Variants in PCDHB3 observed in about 807,000 individuals in gnomAD.
The protein encoded by PCDHB3 is protocadherin beta 3, also known as protocadherin beta-3.
For synonymous variants in PCDHB3, 479 were observed against 456.0 expected, an observed-to-expected ratio of 1.05 and a Z score of -0.64; for missense variants, 967 against 1,012.1, an observed-to-expected ratio of 0.96 and a Z score of 0.60.
At position 141,101,589 on chromosome 5, in the gene PCDHB3, A is replaced by T; in HGVS notation, c.940A>T (p.Ser314Cys). The change falls in exon 1 of 1, where the codon AGT becomes TGT. Residue 314 changes from serine to cysteine, a missense_variant. Physicochemically the swap from Ser to Cys is moderately radical, Grantham distance 112. Transcript: ENST00000231130. ...ATATTTGAATTTTGAAGCGATTAAT[A>T]GTTATGAAGTCGACATCGAGGCCAA... ...VKYLNFEAIN[S>C]YEVDIEAKDG... 2 of 1,614,176 alleles carry T rather than the reference A, an allele frequency of 1.2e-6. No individual in the cohort carries two copies. The highest frequency in any genetic ancestry group is 1.7e-6 in the Non-Finnish European group (2 of 1,179,994).
Position 141,101,300 on chromosome 5 carries a change from CG to C in PCDHB3, c.653del (p.Gly218AlafsTer11), listed in dbSNP as rs782263084. The C allele has an allele frequency of 3.9e-5, 63 of 1,613,996 alleles. No individual in the cohort carries two copies. The highest frequency in any genetic ancestry group is 5.3e-5 in the Non-Finnish European group (62 of 1,180,002). Reference protein sequence around the residue: ...LSLTLTALDGGSPPRSGTAQI... With the variant: ...LSLTLTALDGXSPPRSGTAQI... ...GCTTAACGCTCACCGCGCTGGACGG[CG>C]GCTCTCCCCCTCGGTCTGGGACAGC... On this transcript the variant is annotated frameshift_variant, in exon 1 of 1. Coordinates refer to ENST00000231130, the MANE Select transcript of PCDHB3 (RefSeq NM_018937.5). LOFTEE classifies it low-confidence loss of function (END_TRUNC).
chr5:141,102,856 T>G lies in PCDHB3; in HGVS notation c.2207T>G (p.Met736Arg). Residue 736 changes from methionine to arginine, a missense_variant, in exon 1 of 1, where the codon ATG becomes AGG. Coordinates refer to ENST00000231130, the MANE Select transcript of PCDHB3 (RefSeq NM_018937.5). ...SVPEGPFPGQ[M>R]VDVSGTGTLS... ...CCCGAGGGCCCCTTTCCAGGGCAGATGGTGGACGTGAGCGGCACCGGGACC... is the reference window on the plus strand; with the variant it reads ...CCCGAGGGCCCCTTTCCAGGGCAGAGGGTGGACGTGAGCGGCACCGGGACC... 2 of 1,613,452 alleles carry G rather than the reference T, an allele frequency of 1.2e-6. No individual in the cohort carries two copies. The highest frequency in any genetic ancestry group is 1.7e-6 in the Non-Finnish European group (2 of 1,179,898).
In PCDHB3 at chr5:141,101,864, A is replaced by G; in HGVS notation, c.1215A>G (p.Ser405=). The G allele has an allele frequency of 6.2e-7, 1 of 1,614,108 alleles. No individual in the cohort carries two copies. Among genetic ancestry groups the G allele is most frequent in the Non-Finnish European group, 8.5e-7 (1 of 1,180,004 alleles). Residue 405 remains serine (S), a synonymous_variant, in exon 1 of 1, where the codon TCA becomes TCG. Transcript: ENST00000231130. ...TAGAGAATTTTTACACCCTAGTGTCAGAAGGCGCGCTGGACAGAGAGACCA... is the reference window on the plus strand; with the variant it reads ...TAGAGAATTTTTACACCCTAGTGTCGGAAGGCGCGCTGGACAGAGAGACCA... The part of the protein sequence containing the change: ...PSVENFYTLV[S]EGALDRETRS...
rs782055489 is a variant in PCDHB3, at chr5:141,101,721, G to A, written c.1072G>A (p.Glu358Lys). Residue 358 changes from glutamate to lysine, a missense_variant, in exon 1 of 1, where the codon GAG (glutamate) becomes AAG (lysine). Physicochemically the swap from Glu to Lys is moderately conservative, Grantham distance 56. Coordinates refer to ENST00000231130, the MANE Select transcript of PCDHB3 (RefSeq NM_018937.5). ...GTCTTCAGTAAACAGCCCTATTCCT[G>A]AGAACTCGGGAGAGACTGTACTGGC... ...TLSSVNSPIP[E>K]NSGETVLAVF... The A allele has an allele frequency of 3.7e-6, 6 of 1,613,950 alleles. No homozygotes were observed. The highest frequency in any genetic ancestry group is 2.2e-5 in the East Asian group (1 of 44,878).
chr5:141,100,677 A>C lies in PCDHB3; in HGVS notation c.28A>C (p.Arg10=). 6.2e-7 allele frequency: 1 copy of C among 1,607,324 alleles called. No individual in the cohort carries two copies. The highest frequency in any genetic ancestry group is 8.5e-7 in the Non-Finnish European group (1 of 1,176,304). ...GGAGGCGGGAGGAGAGCGATTTCTT[A>C]GACAAAGGCAAGTCTTGCTTCTCTT... The part of the protein sequence containing the change: MEAGGERFL[R]QRQVLLLFVF... The change falls in exon 1 of 1, where the codon AGA becomes CGA. Residue 10 remains arginine (R), a synonymous_variant. Transcript: ENST00000231130.
chr5:141,101,361 A>G lies in PCDHB3; in HGVS notation c.712A>G (p.Asn238Asp). 6.2e-7 allele frequency: 1 copy of G among 1,614,172 alleles called. No homozygotes were observed. The change falls in exon 1 of 1, where the codon AAT becomes GAT. Residue 238 changes from asparagine (N) to aspartate (D), a missense_variant. Transcript: ENST00000231130. ...INIQVLDIND[N>D]APEFAQPLYE... ...CATCCAGGTCTTAGATATAAACGAC[A>G]ATGCACCAGAATTTGCACAGCCGCT...
Position 141,102,364 on chromosome 5 carries a change from G to A in PCDHB3, c.1715G>A (p.Cys572Tyr), listed in dbSNP as rs1588307130. 3.7e-6 allele frequency: 6 copies of A among 1,611,128 alleles called. No homozygotes were observed. The highest frequency in any genetic ancestry group is 1.1e-5 in the South Asian group (1 of 90,976). The change falls in exon 1 of 1, where the codon TGC becomes TAC. Residue 572 changes from cysteine (C) to tyrosine (Y), a missense_variant. Physicochemically the swap from Cys to Tyr is radical, Grantham distance 194. Transcript: ENST00000231130. ...CCGCTGCAGAACGGCTCCGCGCCCT[G>A]CACCGAGCTGGTGCCCCGGGCGGCT... is the stretch of plus-strand genomic sequence containing the variant. ...LYPLQNGSAP[C>Y]TELVPRAAEP... is the part of the protein sequence containing the mutation.
At position 141,102,842 on chromosome 5, in the gene PCDHB3, C is replaced by T; in HGVS notation, c.2193C>T (p.Pro731=). 1 of 1,613,248 alleles carries T rather than the reference C, an allele frequency of 6.2e-7. No homozygotes were observed. The highest frequency in any genetic ancestry group is 8.5e-7 in the Non-Finnish European group (1 of 1,179,912). The change falls in exon 1 of 1, where the codon CCC becomes CCT. Residue 731 remains proline, a synonymous_variant. Transcript: ENST00000231130. ...SVGRCSVPEG[P]FPGQMVDVSG... is the part of the protein sequence containing the mutation. ...GTCGCTGCTCGGTGCCCGAGGGCCCCTTTCCAGGGCAGATGGTGGACGTGA... is the reference window on the plus strand; with the variant it reads ...GTCGCTGCTCGGTGCCCGAGGGCCCTTTTCCAGGGCAGATGGTGGACGTGA...
rs1751985732 is a variant in PCDHB3, at chr5:141,102,619, C to G, written c.1970C>G (p.Thr657Arg). The G allele has an allele frequency of 3.1e-6, 5 of 1,609,384 alleles. No homozygotes were observed. In the South Asian group the frequency reaches 3.3e-5, roughly 11 times the overall value. The change falls in exon 1 of 1, where the codon ACG becomes AGG. Residue 657 changes from threonine (T) to arginine (R), a missense_variant. Coordinates refer to ENST00000231130, the MANE Select transcript of PCDHB3 (RefSeq NM_018937.5). Reference sequence around the variant, plus strand: ...GAGCCTCCGCGCTCGGCCACCGCCACGCTGCATGTGCTCCTGGTGGACGGC... The same window carrying G: ...GAGCCTCCGCGCTCGGCCACCGCCAGGCTGCATGTGCTCCTGGTGGACGGC... The part of the protein sequence containing the change: ...NGEPPRSATA[T>R]LHVLLVDGFS...
chr5:141,100,611 C>A lies in PCDHB3; in HGVS notation c.-39C>A. 1 of 1,460,014 alleles carries A rather than the reference C, an allele frequency of 6.8e-7. No homozygotes were observed. The highest frequency in any genetic ancestry group is 9.4e-7 in the Non-Finnish European group (1 of 1,065,424). 90.4% of individuals were successfully genotyped at this position (1,460,014 alleles called of 1,614,324 possible). A position where few individuals can be genotyped will look rare whatever the true frequency, so the allele number is the denominator to read the frequency against. Reference sequence around the variant, plus strand: ...TTTCCCAGCTCTGTCTGAGGTTCAGCTTGGCGACATTCCCTGGAAGAGCGT... The same window carrying A: ...TTTCCCAGCTCTGTCTGAGGTTCAGATTGGCGACATTCCCTGGAAGAGCGT... On this transcript the variant is annotated 5_prime_UTR_variant, in exon 1 of 1. Coordinates refer to ENST00000231130, the MANE Select transcript of PCDHB3 (RefSeq NM_018937.5).
Position 141,102,475 on chromosome 5 carries a change from C to T in PCDHB3, c.1826C>T (p.Ala609Val). 6.2e-7 allele frequency: 1 copy of T among 1,609,422 alleles called. No homozygotes were observed. Among genetic ancestry groups the T allele is most frequent in the Non-Finnish European group, 8.5e-7 (1 of 1,179,602 alleles). Residue 609 changes from alanine (A) to valine (V), a missense_variant, in exon 1 of 1, where the codon GCC becomes GTC. Ala to Val is a moderately conservative substitution (Grantham distance 64). Coordinates refer to ENST00000231130, the MANE Select transcript of PCDHB3 (RefSeq NM_018937.5). ...NAWLSYQLLK[A>V]TEPGLFGVWA... ...TGGCTGTCGTACCAGCTGCTCAAGG[C>T]CACGGAGCCCGGGCTGTTCGGCGTG...
rs1554272381 is a variant in PCDHB3, at chr5:141,101,839, T to C, written c.1190T>C (p.Val397Ala). 6.2e-7 allele frequency: 1 copy of C among 1,613,974 alleles called. No individual in the cohort carries two copies. The highest frequency in any genetic ancestry group is 1.1e-5 in the South Asian group (1 of 91,066). ...NNLPFFLKPS[V>A]ENFYTLVSEG... ...CTCCCCTTCTTCCTGAAACCATCTG[T>C]AGAGAATTTTTACACCCTAGTGTCA... The change falls in exon 1 of 1, where the codon GTA (valine) becomes GCA (alanine). Residue 397 changes from valine (V) to alanine (A), a missense_variant. Physicochemically the swap from Val to Ala is moderately conservative, Grantham distance 64. Coordinates refer to ENST00000231130, the MANE Select transcript of PCDHB3 (RefSeq NM_018937.5).
In PCDHB3 at chr5:141,102,365, C is replaced by T. The variant is rs782399736; in HGVS notation, c.1716C>T (p.Cys572=). ...CGCTGCAGAACGGCTCCGCGCCCTG[C>T]ACCGAGCTGGTGCCCCGGGCGGCTG... ...LYPLQNGSAP[C]TELVPRAAEP... Residue 572 remains cysteine, a synonymous_variant, in exon 1 of 1, where the codon TGC becomes TGT. Transcript: ENST00000231130. 6.2e-7 allele frequency: 1 copy of T among 1,611,168 alleles called. No individual in the cohort carries two copies. The highest frequency in any genetic ancestry group is 8.5e-7 in the Non-Finnish European group (1 of 1,179,662).
rs1218353486 is a variant in PCDHB3, at chr5:141,102,826, C to T, written c.2177C>T (p.Ser726Leu). The change falls in exon 1 of 1, where the codon TCG becomes TTG. Residue 726 changes from serine to leucine, a missense_variant. Ser to Leu is a moderately radical substitution (Grantham distance 145). Transcript: ENST00000231130. ...AGGGCGGCCTCGGTGGGTCGCTGCT[C>T]GGTGCCCGAGGGCCCCTTTCCAGGG... ...RSRAASVGRC[S>L]VPEGPFPGQM... 8 of 1,612,728 alleles carry T rather than the reference C, an allele frequency of 5.0e-6. No homozygotes were observed. The highest frequency in any genetic ancestry group is 2.2e-5 in the East Asian group (1 of 44,854).
In PCDHB3 at chr5:141,101,581, C is replaced by T. The variant is rs2149615650; in HGVS notation, c.932C>T (p.Ala311Val). 1 of 1,614,014 alleles carries T rather than the reference C, an allele frequency of 6.2e-7. No individual in the cohort carries two copies. The highest frequency in any genetic ancestry group is 8.5e-7 in the Non-Finnish European group (1 of 1,179,964). Reference sequence around the variant, plus strand: ...CTGGTCAAATATTTGAATTTTGAAGCGATTAATAGTTATGAAGTCGACATC... The same window carrying T: ...CTGGTCAAATATTTGAATTTTGAAGTGATTAATAGTTATGAAGTCGACATC... ...MQLVKYLNFE[A>V]INSYEVDIEA... is the part of the protein sequence containing the mutation. Residue 311 changes from alanine (A) to valine (V), a missense_variant, in exon 1 of 1, where the codon GCG becomes GTG. Transcript: ENST00000231130.
rs781895650 is a variant in PCDHB3 at position 141,101,620 on chromosome 5, G to C, written c.971G>C (p.Gly324Ala). 6.2e-7 allele frequency: 1 copy of C among 1,613,962 alleles called. No individual in the cohort carries two copies. Among genetic ancestry groups the C allele is most frequent in the African/African-American group, 1.3e-5 (1 of 74,908 alleles). ...SYEVDIEAKDGGGLSGKSTVI... is the reference protein window; with the variant it reads ...SYEVDIEAKDAGGLSGKSTVI... ...GAAGTCGACATCGAGGCCAAGGATG[G>C]CGGAGGCCTATCCGGAAAGTCTACA... Residue 324 changes from glycine (G) to alanine (A), a missense_variant, in exon 1 of 1, where the codon GGC (glycine) becomes GCC (alanine). By Grantham distance (60) the Gly-to-Ala change is moderately conservative. Transcript: ENST00000231130.
chr5:141,103,195 T>A lies in PCDHB3; in HGVS notation c.*155T>A. The A allele has an allele frequency of 1.2e-6, 1 of 804,292 alleles. No individual in the cohort carries two copies. Among genetic ancestry groups the A allele is most frequent in the Non-Finnish European group, 2.0e-6 (1 of 509,882 alleles). The allele number at this position is 804,292 out of a possible 1,614,324, so 49.8% of individuals were successfully genotyped here. A position where few individuals can be genotyped will look rare whatever the true frequency, so the allele number is the denominator to read the frequency against. On this transcript the variant is annotated 3_prime_UTR_variant, in exon 1 of 1. Coordinates refer to ENST00000231130, the MANE Select transcript of PCDHB3 (RefSeq NM_018937.5). ...AATCCAGGGATGGCTTAGGTTTCAT[T>A]AACAGTACTGGAAAGTAGTTGTGTG...
rs782719377 is a variant in PCDHB3 at position 141,100,497 on chromosome 5, G to A, written c.-153G>A. 70 of 607,122 alleles carry A rather than the reference G, an allele frequency of 1.2e-4. No homozygotes were observed. Among genetic ancestry groups the A allele is most frequent in the Admixed American group, 2.8e-4 (9 of 32,688 alleles). 37.6% of individuals were successfully genotyped at this position (607,122 alleles called of 1,614,324 possible). A position where few individuals can be genotyped will look rare whatever the true frequency, so the allele number is the denominator to read the frequency against. ...CAGTGTGGTAAACCAGCGGTTGAGA[G>A]CCCAGGCAGATTTTTGAGCCAGCAA... is the stretch of plus-strand genomic sequence containing the variant. On this transcript the variant is annotated 5_prime_UTR_variant, in exon 1 of 1. Transcript: ENST00000231130.
Position 141,102,240 on chromosome 5 carries a change from G to A in PCDHB3, c.1591G>A (p.Val531Met). The change falls in exon 1 of 1, where the codon GTG becomes ATG. Residue 531 changes from valine to methionine, a missense_variant. Coordinates refer to ENST00000231130, the MANE Select transcript of PCDHB3 (RefSeq NM_018937.5). ...GGCCCTGCAGGCGTTCGAGTTCCGC[G>A]TGGGCGCCACAGACCGTGGCTCCCC... The part of the protein sequence containing the change: ...YEALQAFEFR[V>M]GATDRGSPAL... 6.2e-7 allele frequency: 1 copy of A among 1,612,470 alleles called. No individual in the cohort carries two copies. Among genetic ancestry groups the A allele is most frequent in the Non-Finnish European group, 8.5e-7 (1 of 1,179,888 alleles).
Sources: allele counts gnomAD v4.1 joint callset, GRCh38; gene constraint gnomAD v4.1.1; transcripts MANE v1.5; gene names NCBI Gene and HGNC (gene_info 2026-07-23, HGNC 2026-07-21).